GPHN: variants seen among roughly 807,000 people sequenced by gnomAD.
GPHN encodes the protein gephyrin.
In GPHN, 17 loss-of-function variants were observed where a neutral mutation model predicts 95.5. The ratio of observed to expected loss-of-function variants is 0.18; its 90% CI spans 0.12 to 0.27. GPHN has a LOEUF of 0.27. Ranked by LOEUF, GPHN falls within the 10% of genes least tolerant of loss-of-function variation. The pLI, the probability that GPHN is intolerant of heterozygous loss-of-function variation, is 1.00. For synonymous variants in GPHN, 320 were observed against 322.5 expected, an observed-to-expected ratio of 0.99 and a Z score of 0.08; for missense variants, 660 against 978.1, an observed-to-expected ratio of 0.67 and a Z score of 4.34.
At chr14:67,276,601 G>A in the GPHN span, among the ~76,000 whole-genome samples, 2 of 152,108 alleles carry the variant, frequency 1.3e-5, no homozygotes, top group Non-Finnish European at 2.9e-5. Flanking sequence ...CATGACCCCT[G>A]TCTCTAACAA....
chr14:66,967,056 AGATGTTCAAATT>A (rs2069382651), intron 9 of GPHN, among the ~76,000 whole-genome samples: 1 of 151,926 alleles, frequency 6.6e-6, no homozygotes, highest in South Asian at 2.1e-4. Context: ...GTTAACACTT[AGATGTTCAAATT>A]GACAGTGAAT....
the GPHN span, chr14:67,317,469 T>TAAAAA: frequency 6.2e-7 from 1 of 1,605,558 alleles, no homozygotes; most frequent in Non-Finnish European, 8.5e-7. Flanking sequence ...ATAATGCCAA[T>TAAAAA]AAAAATGATG....
chr14:67,222,426 G>A, the GPHN span, among the ~76,000 whole-genome samples: 1 of 151,992 alleles, frequency 6.6e-6, no homozygotes, highest in African/African-American at 2.4e-5. Context: ...TGAGTAGCTG[G>A]GATTACAGGC....
chr14:67,135,661 G>T (rs946047015), intron 17 of GPHN, among the ~76,000 whole-genome samples: 2 of 151,876 alleles, frequency 1.3e-5, no homozygotes, highest in Admixed American at 6.6e-5. Flanking sequence ...AATTGTACCA[G>T]GACATATTTA....
At position 66,508,337 on chromosome 14, in the gene GPHN, CA is replaced by C. The variant is rs1439774023; in HGVS notation, c.-190del. ...CTCCTTCCCCTCCCGCGGACCCGCG[CA>C]CTCCCGGCGCGGCCTCTCCCCCACG... On this transcript the variant is annotated 5_prime_UTR_variant, in exon 1 of 23. Coordinates refer to ENST00000478722, the MANE Select transcript of GPHN (RefSeq NM_020806.5). The C allele has an allele frequency of 4.8e-6, 3 of 628,752 alleles. No individual in the cohort carries two copies. The highest frequency in any genetic ancestry group is 8.5e-6 in the Non-Finnish European group (3 of 351,834). 38.9% of individuals were successfully genotyped at this position (628,752 alleles called of 1,614,324 possible). A position where few individuals can be genotyped will look rare whatever the true frequency, so the allele number is the denominator to read the frequency against.
At chr14:67,335,399 A>C in the GPHN span, 1 of 152,132 alleles carries the variant, frequency 6.6e-6, no homozygotes, top group African/African-American at 2.4e-5. Flanking sequence ...GGGAGGTCTT[A>C]CCATTTAATA....
chr14:67,670,874 C>A, the GPHN span, among the ~76,000 whole-genome samples: 1 of 152,160 alleles, frequency 6.6e-6, no homozygotes, highest in Admixed American at 6.6e-5. Context: ...AGAGCCTAGA[C>A]AGTGGCTGAT....
At chr14:67,008,371 G>T (rs1389558039) in intron 9 of GPHN, among the ~76,000 whole-genome samples, 1 of 151,544 alleles carries the variant, frequency 6.6e-6, no homozygotes, top group Non-Finnish European at 1.5e-5. Flanking sequence ...CAGGAGAATT[G>T]CTTGAACCCG....
the GPHN span, among the ~76,000 whole-genome samples, chr14:67,406,013 T>A: frequency 7.2e-5 from 11 of 152,270 alleles, no homozygotes; most frequent in East Asian, 2.1e-3. Flanking sequence ...ATCCCAGCAC[T>A]TTGGTAGGCT....
the GPHN span, among the ~76,000 whole-genome samples, chr14:67,534,978 C>G: frequency 1.3e-5 from 2 of 152,098 alleles, no homozygotes; most frequent in Non-Finnish European, 2.9e-5. Context: ...CAATAAGGAA[C>G]CCTTCAATAA....
At chr14:67,281,024 G>C in the GPHN span, among the ~76,000 whole-genome samples, 2 of 151,186 alleles carry the variant, frequency 1.3e-5, no homozygotes, top group Non-Finnish European at 2.9e-5. Context: ...TTAGCCTCCC[G>C]AGTGGCTGGG....
chr14:67,177,951 A>G (rs1332501472), intron 21 of GPHN, among the ~76,000 whole-genome samples: 1 of 151,960 alleles, frequency 6.6e-6, no homozygotes, highest in East Asian at 1.9e-4. Context: ...TTTTGAGCCT[A>G]TTTGTGTCTT....
At chr14:66,599,138 A>G (rs544769857) in intron 1 of GPHN, among the ~76,000 whole-genome samples, 40 of 152,252 alleles carry the variant, frequency 2.6e-4, no homozygotes, top group Admixed American at 1.6e-3. Context: ...ATTAAAAAAT[A>G]GTATTAATAA....
At chr14:66,878,440 T>C (rs1235370446) in intron 4 of GPHN, among the ~76,000 whole-genome samples, 1 of 152,002 alleles carries the variant, frequency 6.6e-6, no homozygotes, top group African/African-American at 2.4e-5. Context: ...ACCTACAGAA[T>C]GGGAGAAAAT....
chr14:67,733,322 T>A, the GPHN span, among the ~76,000 whole-genome samples: 2 of 152,334 alleles, frequency 1.3e-5, no homozygotes, highest in Admixed American at 1.3e-4. Flanking sequence ...ACTTCATCTT[T>A]AATTTAACCT....
chr14:66,837,449 T>TC (rs2061883665), intron 4 of GPHN, among the ~76,000 whole-genome samples: 1 of 35,390 alleles, frequency 2.8e-5, no homozygotes, highest in Non-Finnish European at 5.0e-5. Flanking sequence ...TGTTGTGGGG[T>TC]GGGGGGAGGG....
At chr14:67,228,642 G>A in the GPHN span, 1 of 152,246 alleles carries the variant, frequency 6.6e-6, no homozygotes, top group Non-Finnish European at 1.5e-5. Flanking sequence ...TATGCAAAAC[G>A]GTAAGATTTT....
the GPHN span, among the ~76,000 whole-genome samples, chr14:67,209,085 T>C: frequency 1.3e-5 from 2 of 152,222 alleles, no homozygotes; most frequent in Non-Finnish European, 2.9e-5. Flanking sequence ...GGAAAGATCA[T>C]TTATTGTCCG....
At chr14:67,435,414 G>A in the GPHN span, among the ~76,000 whole-genome samples, 1 of 152,122 alleles carries the variant, frequency 6.6e-6, no homozygotes, top group Non-Finnish European at 1.5e-5. Context: ...TCTCAATACT[G>A]CCACATTGGG....
Sources: gnomAD v4.1 joint callset for allele counts (sites outside exome capture counted in the v4.1 genomes callset) on GRCh38, gnomAD v4.1.1 for gene constraint, MANE v1.5 for transcripts, NCBI Gene and HGNC (gene_info 2026-07-23, HGNC 2026-07-21) for gene names.